Variants in MNAT1 observed in about 807,000 individuals in gnomAD.
MNAT1 encodes CDK-activating kinase assembly factor MAT1.
MNAT1 carries 43 observed loss-of-function variants against 42.0 expected under a neutral mutation model. That is an observed-to-expected ratio of 1.02 (90% CI 0.80 to 1.32). The LOEUF is 1.32. Among genes scored for constraint, MNAT1 ranks in the 40% most tolerant of loss-of-function variants. The pLI is 0.00. For missense variants in MNAT1, 306 were observed against 350.4 expected (o/e 0.87, Z 1.01); for synonymous variants, 118 against 120.0 (o/e 0.98, Z 0.11).
intron 1 of MNAT1, among the ~76,000 whole-genome samples, chr14:60,744,424 G>A (rs142957982): frequency 6.6e-6 from 1 of 151,356 alleles, no homozygotes; most frequent in African/African-American, 2.4e-5. Context: ...GAGCCATCAC[G>A]CCCAGCCATC....
At chr14:60,930,285 C>A (rs1439365097) in intron 7 of MNAT1, among the ~76,000 whole-genome samples, 1 of 149,122 alleles carries the variant, frequency 6.7e-6, no homozygotes, top group African/African-American at 2.5e-5. Context: ...TTTTCTAAGT[C>A]TGGGAACATC....
chr14:60,794,636 C>CAAAA (rs71114156), intron 1 of MNAT1, among the ~76,000 whole-genome samples: 1 of 95,396 alleles, frequency 1.0e-5, no homozygotes, highest in African/African-American at 4.4e-5. Context: ...ACTGCATTCT[C>CAAAA]AAAAAAAAAA....
chr14:60,857,597 T>A (rs12879072), intron 6 of MNAT1, among the ~76,000 whole-genome samples: 1,832 of 152,334 alleles, frequency 0.012, 14 homozygotes, highest in Non-Finnish European at 0.021. Context: ...TATTATACTT[T>A]AAGTTCTGCG....
chr14:60,766,832 GAAC>G (rs1019088535), intron 1 of MNAT1, among the ~76,000 whole-genome samples: 3 of 152,070 alleles, frequency 2.0e-5, no homozygotes, highest in African/African-American at 7.2e-5. Flanking sequence ...TAATTATTTT[GAAC>G]AACAAGATGA....
chr14:60,771,723 T>A lies in MNAT1; in HGVS notation c.90-24494T>A, dbSNP rs565864437. Among the ~76,000 whole-genome samples, 5 of 152,342 alleles carry A rather than the reference T, an allele frequency of 3.3e-5. No homozygotes were observed. In the South Asian group the frequency reaches 1.0e-3, roughly 32 times the overall value. On this transcript the variant is annotated intron_variant, in intron 1 of 7. Coordinates refer to ENST00000261245, the MANE Select transcript of MNAT1 (RefSeq NM_002431.4). ...TACATTTTCTTCTTTCCCTAGCTCT[T>A]CTCTTCTAACACTACGTAATTTATC...
In MNAT1 at chr14:60,918,758, T is replaced by TATATATATA. The variant is rs371722863; in HGVS notation, c.809+38923_809+38924insATATATATA. Among the ~76,000 whole-genome samples, 984 of 142,378 alleles carry TATATATATA rather than the reference T, an allele frequency of 6.9e-3. 7 individuals carry two copies. The highest frequency in any genetic ancestry group is 0.03 in the East Asian group (140 of 4,652). 93.4% of individuals were successfully genotyped at this position (142,378 alleles called of 152,430 possible). On this transcript the variant is annotated intron_variant, in intron 7 of 7. Coordinates refer to ENST00000261245, the MANE Select transcript of MNAT1 (RefSeq NM_002431.4). Reference sequence around the variant, plus strand: ...AGAATATATATATATATATATATATTTTTGTCCTTAAAAATACATACTTGA... The same window carrying TATATATATA: ...AGAATATATATATATATATATATATTATATATATATTTGTCCTTAAAAATACATACTTGA...
At chr14:60,924,848 C>T (rs1486264072) in intron 7 of MNAT1, among the ~76,000 whole-genome samples, 1 of 152,164 alleles carries the variant, frequency 6.6e-6, no homozygotes. Context: ...TTGCCTATTT[C>T]TAGAACGCAT....
chr14:60,957,853 T>G lies in MNAT1; in HGVS notation c.810-10376T>G, dbSNP rs143590414. On this transcript the variant is annotated intron_variant, in intron 7 of 7. Coordinates refer to ENST00000261245, the MANE Select transcript of MNAT1 (RefSeq NM_002431.4). ...GTTTTATACTTTGATGTTTTTTTTT[T>G]GGGGATGGCGTTTCACTCTTGTTGC... Among the ~76,000 whole-genome samples the G allele has an allele frequency of 8.9e-3, 1,349 of 152,156 alleles. 18 individuals are homozygous for G. The highest frequency in any genetic ancestry group is 0.018 in the African/African-American group (752 of 41,534).
chr14:60,960,365 T>A (rs2036566312), intron 7 of MNAT1, among the ~76,000 whole-genome samples: 1 of 152,242 alleles, frequency 6.6e-6, no homozygotes, highest in Admixed American at 6.5e-5. Flanking sequence ...TCTAGGCCTC[T>A]GCCTTAGGCC....
At chr14:60,753,484 T>C (rs1437612721) in intron 1 of MNAT1, 1 of 152,242 alleles carries the variant, frequency 6.6e-6, no homozygotes, top group Non-Finnish European at 1.5e-5. Flanking sequence ...GTGTCAGTTC[T>C]TTGTCACATG....
intron 1 of MNAT1, chr14:60,780,251 G>C: frequency 1.4e-6 from 2 of 1,435,742 alleles, no homozygotes; most frequent in Non-Finnish European, 2.0e-6. Flanking sequence ...CTCAAATATT[G>C]AAAGTGGTGA....
In MNAT1 at chr14:60,829,343, T is replaced by A. The variant is rs572464479; in HGVS notation, c.687+10496T>A. On this transcript the variant is annotated intron_variant, in intron 6 of 7. Transcript: ENST00000261245. Reference sequence around the variant, plus strand: ...ACAAGCCCCAAATGCCTAGTAACTCTTTCTTATATATTCCTATATTTCTAG... The same window carrying A: ...ACAAGCCCCAAATGCCTAGTAACTCATTCTTATATATTCCTATATTTCTAG... 1.7e-4 allele frequency among the ~76,000 whole-genome samples: 26 copies of A among 152,332 alleles called. No homozygotes were observed. The South Asian group carries it at 5.2e-3, about 30-fold the overall frequency.
intron 7 of MNAT1, among the ~76,000 whole-genome samples, chr14:60,907,435 CAAAAA>C (rs35266802): frequency 0.022 from 1,431 of 65,128 alleles, 19 homozygotes; most frequent in African/African-American, 0.067. Context: ...TCTGTCTCAC[CAAAAA>C]AAAAAAAAAA....
At chr14:60,886,146 A>G (rs1039042078) in intron 7 of MNAT1, among the ~76,000 whole-genome samples, 1 of 152,014 alleles carries the variant, frequency 6.6e-6, no homozygotes, top group Non-Finnish European at 1.5e-5. Context: ...ATACCATACT[A>G]TAGCTTTGTA....
chr14:60,830,974 C>T (rs1275936598), intron 6 of MNAT1, among the ~76,000 whole-genome samples: 1 of 151,906 alleles, frequency 6.6e-6, no homozygotes, highest in Non-Finnish European at 1.5e-5. Context: ...CAGTGCCGTG[C>T]CTCCTGTTAA....
chr14:60,870,366 T>TTTCTGTGG (rs1471176626), intron 6 of MNAT1, among the ~76,000 whole-genome samples: 1 of 152,176 alleles, frequency 6.6e-6, no homozygotes, highest in African/African-American at 2.4e-5. Flanking sequence ...GTTGCATGGT[T>TTTCTGTGG]TTCTGTGGTT....
At chr14:60,825,705 A>G (rs1161347610) in intron 6 of MNAT1, among the ~76,000 whole-genome samples, 1 of 152,204 alleles carries the variant, frequency 6.6e-6, no homozygotes, top group Non-Finnish European at 1.5e-5. Context: ...TTTCTATTAC[A>G]TCTCATTTAA....
In MNAT1 at chr14:60,888,712, C is replaced by T. The variant is rs1418607130; in HGVS notation, c.809+8877C>T. 2.8e-5 allele frequency among the ~76,000 whole-genome samples: 4 copies of T among 140,888 alleles called. No individual in the cohort carries two copies. The Middle Eastern group carries it at 0.01, about 367-fold the overall frequency. The allele number at this position is 140,888 out of a possible 152,430, so 92.4% of individuals were successfully genotyped here. A position where few individuals can be genotyped will look rare whatever the true frequency, so the allele number is the denominator to read the frequency against. ...ATCTAGAAAACCCCATCGTCTCAGC[C>T]CAAAATCTCCTTAAGCTGATAAGCA... On this transcript the variant is annotated intron_variant, in intron 7 of 7. Coordinates refer to ENST00000261245, the MANE Select transcript of MNAT1 (RefSeq NM_002431.4).
chr14:60,958,639 T>TC (rs1286466173), intron 7 of MNAT1, among the ~76,000 whole-genome samples: 1 of 133,690 alleles, frequency 7.5e-6, no homozygotes, highest in East Asian at 2.1e-4. Context: ...AAGGTCTTTT[T>TC]TTTTTTTTTT....
Sources: gnomAD v4.1 joint callset for allele counts (sites outside exome capture counted in the v4.1 genomes callset) on GRCh38, gnomAD v4.1.1 for gene constraint, MANE v1.5 for transcripts, NCBI Gene and HGNC (gene_info 2026-07-23, HGNC 2026-07-21) for gene names.